ATF6: variants seen among roughly 807,000 people sequenced by gnomAD.
The protein encoded by ATF6 is activating transcription factor 6, also known as cyclic AMP-dependent transcription factor ATF-6 alpha.
A neutral mutation model predicts 83.6 loss-of-function variants in ATF6; 53 were observed. The ratio of observed to expected loss-of-function variants is 0.63; its 90% confidence interval spans 0.51 to 0.80. The LOEUF is 0.80. ATF6 is among the 30% of genes least tolerant of loss of function. The pLI is 0.00. For synonymous variants in ATF6, 288 were observed against 285.8 expected (o/e 1.01, Z -0.08); for missense variants, 744 against 797.9 (o/e 0.93, Z 0.81).
rs3835612 is a variant in ATF6, at chr1:161,856,721, C to CT, written c.1533+3407dup. Among the ~76,000 whole-genome samples the CT allele has an allele frequency of 2.4e-4, 37 of 151,092 alleles. No individual in the cohort carries two copies. In the East Asian group the frequency reaches 4.5e-3, roughly 18 times the overall value. ...TAGATTAAAATTCTTGCCCTAAATGCTTTTTTTTTGGCCTTATCATTAGAT... is the reference window on the plus strand; with the variant it reads ...TAGATTAAAATTCTTGCCCTAAATGCTTTTTTTTTTGGCCTTATCATTAGAT... On this transcript the variant is annotated intron_variant, in intron 12 of 15. Coordinates refer to ENST00000367942, the MANE Select transcript of ATF6 (RefSeq NM_007348.4).
At chr1:161,912,968 A>G (rs186161756) in intron 15 of ATF6, among the ~76,000 whole-genome samples, 5 of 152,312 alleles carry the variant, frequency 3.3e-5, no homozygotes, top group Non-Finnish European at 7.4e-5. Flanking sequence ...CACAAAAATC[A>G]CTGTACTCCA....
chr1:161,903,774 G>A (rs1687834282), intron 14 of ATF6, among the ~76,000 whole-genome samples: 2 of 152,152 alleles, frequency 1.3e-5, no homozygotes, highest in Admixed American at 1.3e-4. Context: ...ATTAAGTGAT[G>A]GAAGCAGAAT....
rs920591676 is a variant in ATF6, at chr1:161,791,615, G to C, written c.484+78G>C. The C allele has an allele frequency of 1.2e-5, 18 of 1,462,980 alleles. No homozygotes were observed. The African/African-American group carries it at 2.4e-4, about 20-fold the overall frequency. The allele number at this position is 1,462,980 out of a possible 1,614,324, so 90.6% of individuals were successfully genotyped here. A position where few individuals can be genotyped will look rare whatever the true frequency, so the allele number is the denominator to read the frequency against. On this transcript the variant is annotated intron_variant, in intron 5 of 15. Coordinates refer to ENST00000367942, the MANE Select transcript of ATF6 (RefSeq NM_007348.4). ...TTCCATTTCTTAAAAGAAAATGCTG[G>C]ATTAAATTTATGTTTATTAGGCTGG...
At chr1:161,819,907 T>C (rs1685709987) in intron 8 of ATF6, 89 bp downstream of exon 8, 1 of 1,192,094 alleles carries the variant, frequency 8.4e-7, no homozygotes, top group African/African-American at 1.6e-5. Flanking sequence ...TAAATTAAAT[T>C]ATGTAAAATA....
chr1:161,810,528 C>A (rs1159739386), intron 7 of ATF6, among the ~76,000 whole-genome samples: 1 of 152,024 alleles, frequency 6.6e-6, no homozygotes, highest in Non-Finnish European at 1.5e-5. Flanking sequence ...CCCCTTTACC[C>A]CACCTCACCT....
At chr1:161,779,697 AT>A (rs1684590986) in intron 2 of ATF6, among the ~76,000 whole-genome samples, 1 of 152,126 alleles carries the variant, frequency 6.6e-6, no homozygotes, top group African/African-American at 2.4e-5. Context: ...CTTTACTTAG[AT>A]TAAGAAAGTT....
At chr1:161,880,299 T>C (rs1366831327) in intron 14 of ATF6, among the ~76,000 whole-genome samples, 1 of 151,898 alleles carries the variant, frequency 6.6e-6, no homozygotes, top group Non-Finnish European at 1.5e-5. Context: ...ACTGCACATA[T>C]TTAACACCAC....
intron 14 of ATF6, chr1:161,891,037 T>G (rs1203855982): frequency 6.6e-6 from 1 of 152,242 alleles, no homozygotes. Flanking sequence ...GTGTCCACCT[T>G]CTTTCCTCAG....
chr1:161,958,142 A>C (rs1689005266), intron 15 of ATF6, among the ~76,000 whole-genome samples: 1 of 152,176 alleles, frequency 6.6e-6, no homozygotes, highest in African/African-American at 2.4e-5. Context: ...CTGCACAGAA[A>C]GCATACAAGA....
At chr1:161,801,191 A>AAT (rs1216233992) in intron 6 of ATF6, among the ~76,000 whole-genome samples, 1 of 152,130 alleles carries the variant, frequency 6.6e-6, no homozygotes, top group African/African-American at 2.4e-5. Context: ...ATAAATTTAA[A>AAT]ATAATGATAC....
At chr1:161,767,343 C>A (rs1223011362) in intron 1 of ATF6, among the ~76,000 whole-genome samples, 1 of 152,098 alleles carries the variant, frequency 6.6e-6, no homozygotes, top group East Asian at 1.9e-4. Flanking sequence ...TTTTATTGAA[C>A]AAAGTCATTT....
chr1:161,871,137 C>T (rs1025326819), intron 14 of ATF6, among the ~76,000 whole-genome samples: 7 of 151,564 alleles, frequency 4.6e-5, no homozygotes, highest in African/African-American at 1.7e-4. Flanking sequence ...TTTTTATGTC[C>T]TACTCTTCAA....
chr1:161,898,669 T>C (rs1687723946), intron 14 of ATF6, among the ~76,000 whole-genome samples: 1 of 152,066 alleles, frequency 6.6e-6, no homozygotes, highest in Non-Finnish European at 1.5e-5. Flanking sequence ...TGCCTTAGCC[T>C]CCCAAGTAGC....
At chr1:161,770,089 C>G (rs1042522995) in intron 1 of ATF6, among the ~76,000 whole-genome samples, 8 of 152,318 alleles carry the variant, frequency 5.3e-5, no homozygotes, top group African/African-American at 1.7e-4. Flanking sequence ...TTCCTCTTCC[C>G]TACCTCTGGT....
At chr1:161,830,690 A>G (rs537755839) in intron 9 of ATF6, among the ~76,000 whole-genome samples, 3 of 152,396 alleles carry the variant, frequency 2.0e-5, no homozygotes, top group African/African-American at 4.8e-5. Context: ...AAAACCAAGC[A>G]ATGGGGAAAG....
intron 13 of ATF6, among the ~76,000 whole-genome samples, chr1:161,862,993 T>G (rs1180355257): frequency 2.0e-5 from 3 of 152,190 alleles, no homozygotes; most frequent in Non-Finnish European, 4.4e-5. Context: ...GAAATCAGAA[T>G]TTTAGCATAA....
intron 15 of ATF6, among the ~76,000 whole-genome samples, chr1:161,931,564 A>G (rs1688433999): frequency 8.9e-6 from 1 of 112,816 alleles, no homozygotes; most frequent in African/African-American, 2.8e-5. Context: ...CAATTTTAGA[A>G]CATATCACCC....
chr1:161,855,028 G>T (rs1271286162), intron 12 of ATF6, among the ~76,000 whole-genome samples: 1 of 152,158 alleles, frequency 6.6e-6, no homozygotes, highest in East Asian at 1.9e-4. Context: ...AGAGGCAGCA[G>T]ATGTAGGCTC....
chr1:161,771,999 A>G (rs544937856), intron 1 of ATF6, among the ~76,000 whole-genome samples: 6 of 152,222 alleles, frequency 3.9e-5, no homozygotes, highest in South Asian at 4.2e-4. Flanking sequence ...GTCACTACCA[A>G]TAACATCTCA....
Sources: gnomAD v4.1 joint callset for allele counts (sites outside exome capture counted in the v4.1 genomes callset) on GRCh38, gnomAD v4.1.1 for gene constraint, MANE v1.5 for transcripts, NCBI Gene and HGNC (gene_info 2026-07-23, HGNC 2026-07-21) for gene names.